RBPJ: variants seen among roughly 807,000 people sequenced by gnomAD.
RBPJ encodes recombination signal binding protein for immunoglobulin kappa J region.
Under a neutral mutation model 67.8 loss-of-function variants are expected in RBPJ, and 9 were observed. The observed-to-expected ratio is 0.13, with a 90% CI of 0.08 to 0.23. The LOEUF (loss-of-function observed/expected upper bound fraction) is 0.23, where lower values mean the gene tolerates loss of function less well. Ranked by LOEUF, RBPJ falls within the 10% of genes least tolerant of loss-of-function variation. RBPJ has a pLI of 1.00. For missense variants in RBPJ, 305 were observed against 595.6 expected (o/e 0.51, Z 5.08); for synonymous variants, 198 against 203.3 (o/e 0.97, Z 0.22).
At chr4:26,370,011 G>C (rs1729003249) in intron 1 of RBPJ, among the ~76,000 whole-genome samples, 1 of 152,170 alleles carries the variant, frequency 6.6e-6, no homozygotes, top group Non-Finnish European at 1.5e-5. Flanking sequence ...CAAGTGAGAA[G>C]TTATCTGACC....
intron 1 of RBPJ, among the ~76,000 whole-genome samples, chr4:26,165,602 A>G (rs1165651105): frequency 6.6e-6 from 1 of 152,188 alleles, no homozygotes; most frequent in African/African-American, 2.4e-5. Flanking sequence ...TCTATTGGAC[A>G]TCGTTCAAGT....
chr4:26,106,880 G>A, the RBPJ span, among the ~76,000 whole-genome samples: 507 of 152,312 alleles, frequency 3.3e-3, 2 homozygotes, highest in African/African-American at 0.012. Flanking sequence ...TGAGGAGTGA[G>A]GGTGGAGAAG....
the RBPJ span, among the ~76,000 whole-genome samples, chr4:26,146,501 T>C: frequency 6.6e-6 from 1 of 152,224 alleles, no homozygotes; most frequent in Non-Finnish European, 1.5e-5. Flanking sequence ...TTCATAGTTA[T>C]GACACCCCAA....
intron 1 of RBPJ, among the ~76,000 whole-genome samples, chr4:26,178,871 C>G (rs1404905713): frequency 6.6e-6 from 1 of 152,058 alleles, no homozygotes; most frequent in Non-Finnish European, 1.5e-5. Context: ...ATGTTCTCCA[C>G]TTGGACAGGG....
At chr4:26,195,322 T>C (rs1223294515) in intron 1 of RBPJ, among the ~76,000 whole-genome samples, 1 of 152,222 alleles carries the variant, frequency 6.6e-6, no homozygotes, top group Non-Finnish European at 1.5e-5. Flanking sequence ...GTCTTTTATC[T>C]ATCCAGTTGT....
the RBPJ span, among the ~76,000 whole-genome samples, chr4:26,135,688 G>A: frequency 3.9e-5 from 6 of 152,142 alleles, no homozygotes; most frequent in Admixed American, 1.3e-4. Flanking sequence ...GAGGAAGAAG[G>A]AGCTGCATTC....
At chr4:26,360,764 T>A (rs185362540) in intron 1 of RBPJ, among the ~76,000 whole-genome samples, 87 of 151,704 alleles carry the variant, frequency 5.7e-4, no homozygotes, top group African/African-American at 1.7e-3. Flanking sequence ...GGGTTTTTTT[T>A]ATTTTTTTTT....
At chr4:26,339,832 C>T (rs139843657) in intron 1 of RBPJ, among the ~76,000 whole-genome samples, 2,725 of 152,224 alleles carry the variant, frequency 0.018, 78 homozygotes, top group African/African-American at 0.062. Context: ...CCAGCCTGGC[C>T]AACATGGTGA....
intron 1 of RBPJ, among the ~76,000 whole-genome samples, chr4:26,166,916 A>G (rs1716331336): frequency 6.6e-6 from 1 of 152,166 alleles, no homozygotes; most frequent in Non-Finnish European, 1.5e-5. Flanking sequence ...AAGAGATCCA[A>G]TTTCAGCTTT....
In RBPJ at chr4:26,310,831, G is replaced by A. The variant is rs113611144; in HGVS notation, c.-166-51615G>A. 1.3e-3 allele frequency among the ~76,000 whole-genome samples: 190 copies of A among 151,940 alleles called. 1 individual carries two copies. Among genetic ancestry groups the A allele is most frequent in the African/African-American group, 4.4e-3 (182 of 41,446 alleles). On this transcript the variant is annotated intron_variant, in intron 1 of 4. Transcript: ENST00000512351. ...ATTACAGGCGCCTGCCAACGCACCC[G>A]GCTAATTTTTATATTTTTAGTAGAG...
intron 1 of RBPJ, among the ~76,000 whole-genome samples, chr4:26,223,171 A>G (rs899532139): frequency 2.0e-5 from 3 of 151,404 alleles, no homozygotes; most frequent in Non-Finnish European, 4.4e-5. Context: ...AAAAAAAAAA[A>G]GAATTATACT....
chr4:26,216,477 A>C (rs954053597), intron 1 of RBPJ, among the ~76,000 whole-genome samples: 1 of 152,074 alleles, frequency 6.6e-6, no homozygotes, highest in Non-Finnish European at 1.5e-5. Flanking sequence ...AAAGCATGGA[A>C]CATCCGAGGA....
chr4:26,297,172 T>C (rs1375061482), intron 1 of RBPJ, among the ~76,000 whole-genome samples: 2 of 152,120 alleles, frequency 1.3e-5, no homozygotes, highest in East Asian at 3.8e-4. Flanking sequence ...GGCAGACACC[T>C]GTAGTCCCAG....
chr4:26,215,245 AAGTAAGAAAGAAAGGAAG>A (rs1718657071), intron 1 of RBPJ, among the ~76,000 whole-genome samples: 6 of 15,872 alleles, frequency 3.8e-4, no homozygotes, highest in Admixed American at 8.3e-4. Context: ...GAAAGAAAGA[AAGTAAGAAAGAAAGGAAG>A]GGAGGGAGGA....
At chr4:26,378,465 C>T (rs184269895) in intron 1 of RBPJ, among the ~76,000 whole-genome samples, 149 of 152,220 alleles carry the variant, frequency 9.8e-4, no homozygotes, top group Non-Finnish European at 1.3e-3. Flanking sequence ...GGTAGTGGGG[C>T]TTGTGTTAGA....
At chr4:26,155,910 T>C in the RBPJ span, among the ~76,000 whole-genome samples, 1 of 152,152 alleles carries the variant, frequency 6.6e-6, no homozygotes, top group Non-Finnish European at 1.5e-5. Flanking sequence ...GAAGAAAGCA[T>C]GGTAGGTGTT....
intron 1 of RBPJ, among the ~76,000 whole-genome samples, chr4:26,185,142 A>T (rs77595055): frequency 2.3e-4 from 2 of 8,886 alleles, no homozygotes; most frequent in Admixed American, 7.3e-4. Flanking sequence ...ACTCTGTCTA[A>T]AAAAAAAAAA....
chr4:26,320,766 ACGGAGGGCTCGCCCG>A, upstream of RBPJ: 2 of 1,554,400 alleles, frequency 1.3e-6, no homozygotes. Flanking sequence ...CATGGACCAC[ACGGAGGGCTCGCCCG>A]CGGAGGAGCC....
At chr4:26,188,235 G>A (rs1249545185) in intron 1 of RBPJ, among the ~76,000 whole-genome samples, 8 of 151,770 alleles carry the variant, frequency 5.3e-5, no homozygotes, top group South Asian at 2.1e-4. Flanking sequence ...ACACACACAC[G>A]TAAAAAAGTA....
Sources: allele counts gnomAD v4.1 joint callset (sites outside exome capture counted in the v4.1 genomes callset), GRCh38; gene constraint gnomAD v4.1.1; transcripts MANE v1.5; gene names NCBI Gene and HGNC (gene_info 2026-07-23, HGNC 2026-07-21).